Variants in PCDH15 observed in about 807,000 individuals in gnomAD.
The protein encoded by PCDH15 is protocadherin-15.
A neutral mutation model predicts 178.5 loss-of-function variants in PCDH15; 129 were observed. That is an observed-to-expected ratio of 0.72 (90% CI 0.63 to 0.84). The LOEUF (loss-of-function observed/expected upper bound fraction) is 0.84, where lower values mean the gene tolerates loss of function less well. Among genes scored for constraint, PCDH15 ranks in the 40% least tolerant of loss-of-function variants. The pLI, the probability that PCDH15 is intolerant of heterozygous loss-of-function variation, is 0.00. For synonymous variants in PCDH15, 800 were observed against 732.0 expected (o/e 1.09, Z -1.50); for missense variants, 2,230 against 2,099.9 (o/e 1.06, Z -1.21).
intron 2 of PCDH15, among the ~76,000 whole-genome samples, chr10:55,055,591 C>A (rs1841277193): frequency 6.6e-6 from 1 of 152,112 alleles, no homozygotes; most frequent in Admixed American, 6.6e-5. Flanking sequence ...TACCTTGAGT[C>A]CAGGATTTCG....
chr10:54,943,516 A>G (rs1218998370), intron 2 of PCDH15, among the ~76,000 whole-genome samples: 1 of 152,024 alleles, frequency 6.6e-6, no homozygotes, highest in Non-Finnish European at 1.5e-5. Flanking sequence ...TTGAAAACAT[A>G]TGGTTCTTAT....
chr10:54,154,398 A>G (rs112034638), intron 13 of PCDH15, among the ~76,000 whole-genome samples: 62 of 152,230 alleles, frequency 4.1e-4, no homozygotes, highest in Non-Finnish European at 7.6e-4. Flanking sequence ...GAAATGTTTT[A>G]TTTACTTATA....
chr10:54,182,623 T>A (rs969005509), intron 13 of PCDH15, among the ~76,000 whole-genome samples: 1 of 152,068 alleles, frequency 6.6e-6, no homozygotes, highest in African/African-American at 2.4e-5. Flanking sequence ...CTGACTTACA[T>A]GTTTTCAAAG....
At chr10:54,690,310 C>CT (rs71014404) in intron 1 of PCDH15, among the ~76,000 whole-genome samples, 68,740 of 126,138 alleles carry the variant, frequency 0.54, 19,635 homozygotes, top group Non-Finnish European at 0.6. Flanking sequence ...ACAAGACTAC[C>CT]TTTTTTTTTT....
At chr10:55,077,414 CCTTCCTTCCT>C (rs1841926433) in intron 2 of PCDH15, among the ~76,000 whole-genome samples, 15 of 146,464 alleles carry the variant, frequency 1.0e-4, no homozygotes, top group Admixed American at 5.4e-4. Flanking sequence ...TTCCTTCCTT[CCTTCCTTCCT>C]TCCTTCCTTC....
chr10:54,079,308 C>A (rs979424988), intron 17 of PCDH15, 23 bp downstream of exon 17: 1 of 1,605,970 alleles, frequency 6.2e-7, no homozygotes, highest in Admixed American at 1.7e-5. Flanking sequence ...TTTTTAAAAC[C>A]CCTTCACAGG....
intron 2 of PCDH15, among the ~76,000 whole-genome samples, chr10:54,948,467 A>C (rs1322925090): frequency 6.6e-6 from 1 of 151,978 alleles, no homozygotes; most frequent in Admixed American, 6.6e-5. Flanking sequence ...CAGGACAGCT[A>C]ATGAGACATT....
chr10:55,256,832 T>A lies in PCDH15; in HGVS notation c.-156+62767A>T, dbSNP rs535632294. On this transcript the variant is annotated intron_variant, in intron 1 of 5. Transcript: ENST00000458638. ...AGCCAAACAAAAGGCAGCCAAAACCTCTGCAGACTTAACTGTCCCTGTCTG... is the reference window on the plus strand; with the variant it reads ...AGCCAAACAAAAGGCAGCCAAAACCACTGCAGACTTAACTGTCCCTGTCTG... Among the ~76,000 whole-genome samples the A allele has an allele frequency of 3.3e-5, 5 of 152,250 alleles. 1 individual carries two copies. The highest frequency in any genetic ancestry group is 1.2e-4 in the African/African-American group (5 of 41,564).
chr10:54,636,357 C>A (rs1227531665), intron 2 of PCDH15, among the ~76,000 whole-genome samples: 1 of 151,922 alleles, frequency 6.6e-6, no homozygotes, highest in African/African-American at 2.4e-5. Flanking sequence ...TCTTTACCCT[C>A]AGAGATAATC....
intron 3 of PCDH15, among the ~76,000 whole-genome samples, chr10:54,401,582 G>T (rs1309768008): frequency 6.6e-6 from 1 of 151,010 alleles, no homozygotes; most frequent in African/African-American, 2.4e-5. Flanking sequence ...CTCTGAACAA[G>T]GAAAAAAGCA....
chr10:55,363,692 AT>A (rs1205239210), intron 2 of PCDH15, among the ~76,000 whole-genome samples: 1 of 151,852 alleles, frequency 6.6e-6, no homozygotes, highest in African/African-American at 2.4e-5. Flanking sequence ...CTGGAGTGCA[AT>A]GGCGCGATAT....
At chr10:54,254,896 C>T (rs1244271942) in intron 8 of PCDH15, among the ~76,000 whole-genome samples, 2 of 135,340 alleles carry the variant, frequency 1.5e-5, no homozygotes, top group African/African-American at 5.5e-5. Flanking sequence ...CTCAATTTGT[C>T]TTCAGAATTT....
At chr10:53,978,961 C>G (rs1161941164) in intron 21 of PCDH15, among the ~76,000 whole-genome samples, 1 of 152,160 alleles carries the variant, frequency 6.6e-6, no homozygotes, top group African/African-American at 2.4e-5. Flanking sequence ...TTCAACAAAT[C>G]TCTATGAAGT....
chr10:54,569,625 GT>G (rs1258678950), intron 2 of PCDH15, among the ~76,000 whole-genome samples: 1 of 152,076 alleles, frequency 6.6e-6, no homozygotes, highest in Non-Finnish European at 1.5e-5. Flanking sequence ...TACAGTAACT[GT>G]TCTACTCCAA....
At chr10:55,562,325 T>A (rs1345787596) in intron 2 of PCDH15, among the ~76,000 whole-genome samples, 1 of 152,018 alleles carries the variant, frequency 6.6e-6, no homozygotes. Flanking sequence ...ATTATAAGGA[T>A]GAATTCAATT....
intron 2 of PCDH15, among the ~76,000 whole-genome samples, chr10:55,365,881 C>G (rs1845345000): frequency 6.6e-6 from 1 of 152,038 alleles, no homozygotes; most frequent in South Asian, 2.1e-4. Context: ...TCATGAGAAA[C>G]TCATGAGATA....
intron 2 of PCDH15, among the ~76,000 whole-genome samples, chr10:54,916,850 G>T (rs1020541376): frequency 6.7e-6 from 1 of 150,306 alleles, no homozygotes. Context: ...AACAGGGAAA[G>T]GGGAGGATTT....
At chr10:55,301,818 T>G (rs1303568434) in intron 1 of PCDH15, among the ~76,000 whole-genome samples, 1 of 152,180 alleles carries the variant, frequency 6.6e-6, no homozygotes, top group Non-Finnish European at 1.5e-5. Context: ...GATGTTCAAT[T>G]GCTCCAGCAA....
At chr10:54,465,264 A>G (rs1176216425) in intron 3 of PCDH15, among the ~76,000 whole-genome samples, 1 of 152,058 alleles carries the variant, frequency 6.6e-6, no homozygotes, top group African/African-American at 2.4e-5. Context: ...AAATATTTCA[A>G]ATACTCTCTT....
Sources: allele counts gnomAD v4.1 joint callset (sites outside exome capture counted in the v4.1 genomes callset), GRCh38; gene constraint gnomAD v4.1.1; transcripts MANE v1.5; gene names NCBI Gene and HGNC (gene_info 2026-07-23, HGNC 2026-07-21).